Variants in EGF observed in about 807,000 individuals in gnomAD.
The protein encoded by EGF is epidermal growth factor.
Under a neutral mutation model 143.8 loss-of-function variants are expected in EGF, and 95 were observed. The ratio of observed to expected loss-of-function variants is 0.66; its 90% CI spans 0.56 to 0.78. EGF has a LOEUF of 0.78. Among genes scored for constraint, EGF ranks in the 30% least tolerant of loss-of-function variants. EGF has a pLI of 0.00. For missense variants in EGF, 1,320 were observed against 1,470.9 expected (o/e 0.90, Z 1.68); for synonymous variants, 510 against 510.5 (o/e 1.00, Z 0.01).
At chr4:109,943,152 G>A (rs567061253) in intron 2 of EGF, 102 bp from the exon 3 acceptor site, 41 of 845,932 alleles carry the variant, frequency 4.8e-5, no homozygotes, top group Non-Finnish European at 7.3e-5. Flanking sequence ...GCATAAAGAT[G>A]ACAAATACTT....
chr4:109,985,805 A>T (rs1250253464), intron 16 of EGF, among the ~76,000 whole-genome samples: 2 of 152,232 alleles, frequency 1.3e-5, no homozygotes, highest in East Asian at 3.8e-4. Context: ...TTTGCCTCTC[A>T]GGAAGGCCTA....
chr4:109,916,491 A>G (rs1167949020), intron 1 of EGF, among the ~76,000 whole-genome samples: 1 of 152,086 alleles, frequency 6.6e-6, no homozygotes, highest in Non-Finnish European at 1.5e-5. Flanking sequence ...CCCTCTTCCG[A>G]GGACTCTTGT....
intron 6 of EGF, 150 bp downstream of exon 6, chr4:109,959,587 C>G (rs1745367807): frequency 9.2e-7 from 1 of 1,092,766 alleles, no homozygotes; most frequent in Non-Finnish European, 1.4e-6. Context: ...CCCCACACAA[C>G]CCCTGAAGAC....
rs759730707 is a variant in EGF, at chr4:109,994,873, G to A, written c.2998G>A (p.Ala1000Thr). 3.1e-6 allele frequency: 5 copies of A among 1,614,020 alleles called. No individual in the cohort carries two copies. The highest frequency in any genetic ancestry group is 4.5e-5 in the East Asian group (2 of 44,896). The change falls in exon 20 of 24, where the codon GCA becomes ACA. Residue 1000 changes from alanine (A) to threonine (T), a missense_variant. This residue lies in a region of EGF where 1,186 missense variants were observed against 1,313.7 expected (regional missense o/e 0.90). Coordinates refer to ENST00000265171, the MANE Select transcript of EGF (RefSeq NM_001963.6). ...GTATATTGAAGCATTGGACAAGTAT[G>A]CATGCAAGTAAGTTAAACTGTCTTG... ...CMYIEALDKYACNCVVGYIGE... is the reference protein window; with the variant it reads ...CMYIEALDKYTCNCVVGYIGE...
chr4:109,965,776 A>AT (rs962969608), intron 10 of EGF, among the ~76,000 whole-genome samples: 2 of 152,156 alleles, frequency 1.3e-5, no homozygotes, highest in South Asian at 2.1e-4. Flanking sequence ...CAGTATCTGC[A>AT]TTTTAACAAT....
At chr4:109,924,818 T>C (rs1349040419) in intron 1 of EGF, among the ~76,000 whole-genome samples, 3 of 152,252 alleles carry the variant, frequency 2.0e-5, no homozygotes, top group East Asian at 1.9e-4. Context: ...TAAATCTCCA[T>C]AGATCTGACC....
intron 18 of EGF, among the ~76,000 whole-genome samples, chr4:109,991,564 G>A (rs1206459916): frequency 1.3e-5 from 2 of 152,134 alleles, no homozygotes; most frequent in East Asian, 1.9e-4. Context: ...TTGAGAGGAA[G>A]AGAGGCCCTA....
intron 1 of EGF, among the ~76,000 whole-genome samples, chr4:109,928,410 G>C (rs749112145): frequency 3.3e-5 from 5 of 152,102 alleles, no homozygotes; most frequent in Non-Finnish European, 5.9e-5. Context: ...TAAGGACCTG[G>C]AATCAGTAGA....
At chr4:109,962,521 A>G (rs2126062400) in intron 8 of EGF, among the ~76,000 whole-genome samples, 1 of 152,318 alleles carries the variant, frequency 6.6e-6, no homozygotes, top group South Asian at 2.1e-4. Flanking sequence ...AATGTGTGAG[A>G]GAAAAAAATT....
chr4:109,964,665 G>T (rs1470146480), intron 10 of EGF, 128 bp downstream of exon 10: 3 of 1,324,880 alleles, frequency 2.3e-6, no homozygotes, highest in Non-Finnish European at 3.1e-6. Flanking sequence ...CACAGAACAA[G>T]TTAAATATAG....
chr4:109,937,102 T>C (rs1740961856), intron 1 of EGF, among the ~76,000 whole-genome samples: 1 of 152,162 alleles, frequency 6.6e-6, no homozygotes, highest in South Asian at 2.1e-4. Context: ...GTTAATTTTC[T>C]TTCTCGTTGG....
chr4:109,993,311 G>C lies in EGF; in HGVS notation c.2799G>C (p.Glu933Asp), dbSNP rs1751299443. 6.2e-7 allele frequency: 1 copy of C among 1,613,906 alleles called. No individual in the cohort carries two copies. Among genetic ancestry groups the C allele is most frequent in the Non-Finnish European group, 8.5e-7 (1 of 1,179,938 alleles). Reference protein sequence around the residue: ...CGENASCTNTEGGYTCMCAGR... With the variant: ...CGENASCTNTDGGYTCMCAGR... Reference sequence around the variant, plus strand: ...AGAATGCCAGCTGCACAAATACAGAGGGAGGCTATACCTGCATGTGTGCTG... The same window carrying C: ...AGAATGCCAGCTGCACAAATACAGACGGAGGCTATACCTGCATGTGTGCTG... Residue 933 changes from glutamate to aspartate, a missense_variant, in exon 19 of 24, where the codon GAG (glutamate) becomes GAC (aspartate). Physicochemically the swap from Glu to Asp is conservative, Grantham distance 45. Transcript: ENST00000265171.
rs577867989 is a variant in EGF at position 109,917,077 on chromosome 4, G to A, written c.127+3615G>A. Among the ~76,000 whole-genome samples the A allele has an allele frequency of 7.3e-4, 111 of 152,128 alleles. No homozygotes were observed. The Middle Eastern group carries it at 0.01, about 14-fold the overall frequency. ...CATTCATTGCAAATTAACTCTGTTC[G>A]TCGGGTTTCTTACCGGTAATAATCT... On this transcript the variant is annotated intron_variant, in intron 1 of 23. Coordinates refer to ENST00000265171, the MANE Select transcript of EGF (RefSeq NM_001963.6).
intron 11 of EGF, among the ~76,000 whole-genome samples, chr4:109,970,213 TA>T (rs1485502324): frequency 6.6e-6 from 1 of 152,196 alleles, no homozygotes; most frequent in East Asian, 1.9e-4. Context: ...GAAATGGCTG[TA>T]TCCCTTCTGC....
chr4:109,988,201 T>C, intron 17 of EGF, among the ~76,000 whole-genome samples: 1 of 151,944 alleles, frequency 6.6e-6, no homozygotes, highest in East Asian at 1.9e-4. Flanking sequence ...ACTTTTTTTT[T>C]TTTTTTTTTA....
intron 18 of EGF, among the ~76,000 whole-genome samples, chr4:109,991,379 A>C (rs1362419818): frequency 6.6e-6 from 1 of 152,178 alleles, no homozygotes; most frequent in Non-Finnish European, 1.5e-5. Context: ...AGGAAGTTGG[A>C]CAGCAAAGTT....
chr4:109,938,133 G>A (rs187262191), intron 1 of EGF, among the ~76,000 whole-genome samples: 6 of 152,236 alleles, frequency 3.9e-5, no homozygotes, highest in African/African-American at 1.4e-4. Context: ...CATTCTCCCC[G>A]TCACTTTCAG....
chr4:110,010,580 T>C (rs1346198939), intron 23 of EGF, among the ~76,000 whole-genome samples: 1 of 152,092 alleles, frequency 6.6e-6, no homozygotes, highest in Non-Finnish European at 1.5e-5. Flanking sequence ...GCCTCCTAAG[T>C]AGCTGAGACC....
intron 1 of EGF, among the ~76,000 whole-genome samples, chr4:109,927,935 A>G (rs540707320): frequency 6.6e-6 from 1 of 152,010 alleles, no homozygotes; most frequent in South Asian, 2.1e-4. Flanking sequence ...AAAATTGAGC[A>G]TAATTTGTGT....
Sources: gnomAD v4.1 joint callset for allele counts (sites outside exome capture counted in the v4.1 genomes callset) on GRCh38, gnomAD v4.1.1 for gene constraint, gnomAD v4.1.1 regional missense constraint, MANE v1.5 for transcripts, NCBI Gene and HGNC (gene_info 2026-07-23, HGNC 2026-07-21) for gene names.